Variants in SYT17 observed in about 807,000 individuals in gnomAD.
The protein encoded by SYT17 is synaptotagmin 17.
A neutral mutation model predicts 46.7 loss-of-function variants in SYT17; 22 were observed. The observed-to-expected ratio is 0.47, with a 90% CI of 0.34 to 0.67. SYT17 has a LOEUF of 0.67. Ranked by LOEUF, SYT17 falls within the 30% of genes least tolerant of loss-of-function variation. SYT17 has a pLI of 0.01. For synonymous variants in SYT17, 251 were observed against 248.4 expected (o/e 1.01, Z -0.10); for missense variants, 519 against 612.8 (o/e 0.85, Z 1.62).
chr16:19,214,819 T>G (rs1053211620), intron 5 of SYT17, among the ~76,000 whole-genome samples: 29 of 152,058 alleles, frequency 1.9e-4, no homozygotes, highest in African/African-American at 6.8e-4. Context: ...AGACAGAGTC[T>G]TGCTCTGTTG....
chr16:19,205,733 C>T (rs1001283836), intron 5 of SYT17, among the ~76,000 whole-genome samples: 3 of 152,206 alleles, frequency 2.0e-5, no homozygotes, highest in East Asian at 1.9e-4. Context: ...CCACCGGCCT[C>T]GGCCTCCCAA....
intron 7 of SYT17, among the ~76,000 whole-genome samples, chr16:19,265,437 G>A (rs1597062013): frequency 6.6e-6 from 1 of 152,248 alleles, no homozygotes; most frequent in East Asian, 1.9e-4. Flanking sequence ...TTTGGCTTTT[G>A]GACGATGGAT....
At chr16:19,214,934 G>A (rs531056360) in intron 5 of SYT17, among the ~76,000 whole-genome samples, 4 of 152,044 alleles carry the variant, frequency 2.6e-5, no homozygotes, top group South Asian at 4.2e-4. Context: ...GATTGCAGGC[G>A]CCCACCCCAC....
At chr16:19,181,459 G>A (rs774779312) in intron 4 of SYT17, among the ~76,000 whole-genome samples, 11 of 125,668 alleles carry the variant, frequency 8.8e-5, no homozygotes, top group Admixed American at 7.2e-4. Context: ...GGGGATAGAG[G>A]GAAAAGAAAA....
intron 5 of SYT17, among the ~76,000 whole-genome samples, chr16:19,199,361 G>A (rs115067314): frequency 0.02 from 2,974 of 152,192 alleles, 86 homozygotes; most frequent in African/African-American, 0.068. Flanking sequence ...GGTGGAGCTT[G>A]GACATGAACT....
rs142118244 is a variant in SYT17, at chr16:19,191,541, G to A, written c.951+7394G>A. Among the ~76,000 whole-genome samples the A allele has an allele frequency of 5.8e-3, 883 of 152,230 alleles. 6 individuals are homozygous for A. Among genetic ancestry groups the A allele is most frequent in the African/African-American group, 0.02 (814 of 41,528 alleles). On this transcript the variant is annotated intron_variant, in intron 5 of 7. Transcript: ENST00000355377. ...AAATAAATTCTGTTGTTTTCAAGCC[G>A]CCCAGTTGATAGTATTTTTGTTACA...
At chr16:19,190,768 CTGTGTGTGTG>C (rs56947560) in intron 5 of SYT17, among the ~76,000 whole-genome samples, 2,512 of 144,764 alleles carry the variant, frequency 0.017, 38 homozygotes, top group Middle Eastern at 0.072. Context: ...AATAATATTC[CTGTGTGTGTG>C]TGTGTGTGTG....
At chr16:19,251,962 C>A (rs1003642418) in intron 7 of SYT17, among the ~76,000 whole-genome samples, 2 of 152,060 alleles carry the variant, frequency 1.3e-5, no homozygotes, top group African/African-American at 4.8e-5. Flanking sequence ...GTAATCCCAG[C>A]ACTTTGGGAG....
chr16:19,239,562 C>T (rs60900987), intron 7 of SYT17, among the ~76,000 whole-genome samples: 12,535 of 152,162 alleles, frequency 0.082, 1,095 homozygotes, highest in East Asian at 0.22. Flanking sequence ...CAGTATTTGA[C>T]GGTAATAACA....
chr16:19,181,022 A>C (rs1452802549), intron 4 of SYT17, among the ~76,000 whole-genome samples: 1 of 152,200 alleles, frequency 6.6e-6, no homozygotes, highest in Non-Finnish European at 1.5e-5. Flanking sequence ...ACTTCGGTCA[A>C]TTGAAAAGCA....
intron 7 of SYT17, among the ~76,000 whole-genome samples, chr16:19,231,293 G>A (rs1966672501): frequency 6.6e-6 from 1 of 152,080 alleles, no homozygotes; most frequent in Non-Finnish European, 1.5e-5. Context: ...TCTGTATGCT[G>A]GGCACAGTGG....
chr16:19,183,415 G>A lies in SYT17; in HGVS notation c.332-113G>A. ...AGTATTTCAGAGTGTGGAGAAAGAT[G>A]GCAAAGGTCATTCTGAAGCAGAGTA... On this transcript the variant is annotated intron_variant, in intron 4 of 7. Coordinates refer to ENST00000355377, the MANE Select transcript of SYT17 (RefSeq NM_016524.4). The surrounding 1 kb of genome is among the most constrained non-coding windows in gnomAD (Gnocchi z 5.6). 3.5e-6 allele frequency: 5 copies of A among 1,418,396 alleles called. No homozygotes were observed. The highest frequency in any genetic ancestry group is 4.8e-6 in the Non-Finnish European group (5 of 1,046,680). The allele number at this position is 1,418,396 out of a possible 1,614,324, so 87.9% of individuals were successfully genotyped here. A position where few individuals can be genotyped will look rare whatever the true frequency, so the allele number is the denominator to read the frequency against.
Position 19,267,869 on chromosome 16 carries a change from C to G in SYT17, c.*793C>G, listed in dbSNP as rs1157383071. On this transcript the variant is annotated 3_prime_UTR_variant, in exon 8 of 8. Transcript: ENST00000355377. The stretch of plus-strand genomic sequence containing the variant: ...GCCCTGAGCACTGCCTTCTCTCTGC[C>G]TCTCCTGTCCAGTGAGAGTCCAACC... The G allele has an allele frequency of 6.6e-6, 1 of 152,370 alleles. No individual in the cohort carries two copies. Among genetic ancestry groups the G allele is most frequent in the Non-Finnish European group, 1.5e-5 (1 of 68,194 alleles). 9.4% of individuals were successfully genotyped at this position (152,370 alleles called of 1,614,324 possible). A position where few individuals can be genotyped will look rare whatever the true frequency, so the allele number is the denominator to read the frequency against.
intron 5 of SYT17, among the ~76,000 whole-genome samples, chr16:19,186,490 A>C (rs2239976): frequency 0.11 from 16,273 of 152,178 alleles, 1,082 homozygotes; most frequent in African/African-American, 0.18. Context: ...TCTCTAAAAA[A>C]ATAAAATAAC....
intron 5 of SYT17, among the ~76,000 whole-genome samples, chr16:19,197,415 T>TTTTTG (rs1247693234): frequency 1.4e-5 from 2 of 143,076 alleles, no homozygotes; most frequent in African/African-American, 5.2e-5. Context: ...GGACAGGTTT[T>TTTTTG]TTTTGTTTTG....
intron 5 of SYT17, among the ~76,000 whole-genome samples, chr16:19,192,375 C>T (rs1007712015): frequency 6.6e-6 from 1 of 151,902 alleles, no homozygotes; most frequent in East Asian, 1.9e-4. Context: ...GAGCCAAGAT[C>T]GCACCACTGC....
chr16:19,240,570 C>A (rs1488358480), intron 7 of SYT17, among the ~76,000 whole-genome samples: 2 of 152,162 alleles, frequency 1.3e-5, no homozygotes, highest in Non-Finnish European at 2.9e-5. Flanking sequence ...GGTCCATGGG[C>A]AGCCATGGGC....
intron 5 of SYT17, among the ~76,000 whole-genome samples, chr16:19,213,639 A>G (rs1436105071): frequency 6.6e-6 from 1 of 152,212 alleles, no homozygotes; most frequent in East Asian, 1.9e-4. Context: ...CCTCCTGAGT[A>G]TCTGGGACCA....
At chr16:19,171,115 C>T (rs114871383) in intron 1 of SYT17, 1 of 152,260 alleles carries the variant, frequency 6.6e-6, no homozygotes, top group Non-Finnish European at 1.5e-5. Context: ...CTAGTACTTC[C>T]TGGCTCAGCT....
Sources: gnomAD v4.1 joint callset for allele counts (sites outside exome capture counted in the v4.1 genomes callset) on GRCh38, gnomAD v4.1.1 for gene constraint, Gnocchi (gnomAD v3.1) non-coding constraint, MANE v1.5 for transcripts, NCBI Gene and HGNC (gene_info 2026-07-23, HGNC 2026-07-21) for gene names.